Variants in SLC35F4 observed in about 807,000 individuals in gnomAD.
The protein encoded by SLC35F4 is solute carrier family 35 member F4, also known as chromosome 14 open reading frame 36.
SLC35F4 carries 24 observed loss-of-function variants against 44.2 expected under a neutral mutation model. The ratio of observed to expected loss-of-function variants is 0.54; its 90% CI spans 0.39 to 0.76. SLC35F4 has a LOEUF of 0.76. SLC35F4 is among the 30% of genes least tolerant of loss of function. SLC35F4 has a pLI of 0.00. For missense variants in SLC35F4, 562 were observed against 586.1 expected (o/e 0.96, Z 0.42); for synonymous variants, 238 against 223.6 (o/e 1.06, Z -0.57).
intron 1 of SLC35F4, among the ~76,000 whole-genome samples, chr14:57,758,550 A>G (rs76161222): frequency 0.02 from 3,117 of 152,108 alleles, 88 homozygotes; most frequent in African/African-American, 0.07. Context: ...AACATTGTCA[A>G]TATTTCTTCT....
rs539556168 is a variant in SLC35F4, at chr14:57,890,717, A to T, written n.282+91196T>A. On this transcript the variant is annotated intron_variant and non_coding_transcript_variant, in intron 1 of 1. Coordinates refer to the SLC35F4 transcript ENST00000556568. Reference sequence around the variant, plus strand: ...GCAAGCTGTGAGGAAAATTGAGAAGATTTAGAATAAAAATGACAAATATTA... The same window carrying T: ...GCAAGCTGTGAGGAAAATTGAGAAGTTTTAGAATAAAAATGACAAATATTA... 2.0e-5 allele frequency among the ~76,000 whole-genome samples: 3 copies of T among 152,322 alleles called. No homozygotes were observed. The South Asian group carries it at 6.2e-4, about 32-fold the overall frequency.
chr14:57,967,077 TA>T (rs1189719908), intron 1 of SLC35F4, among the ~76,000 whole-genome samples: 7 of 152,058 alleles, frequency 4.6e-5, no homozygotes, highest in African/African-American at 1.7e-4. Context: ...TTACTCAGAA[TA>T]AAAAAGAACA....
intron 1 of SLC35F4, among the ~76,000 whole-genome samples, chr14:57,765,565 C>T (rs1281040714): frequency 1.3e-5 from 2 of 152,188 alleles, no homozygotes; most frequent in Non-Finnish European, 2.9e-5. Flanking sequence ...TAAATGCCTA[C>T]AAAATGTAAC....
chr14:57,839,586 T>G (rs1305119674), intron 1 of SLC35F4, among the ~76,000 whole-genome samples: 2 of 151,858 alleles, frequency 1.3e-5, no homozygotes, highest in Non-Finnish European at 1.5e-5. Flanking sequence ...AAACACACAC[T>G]GGGGCCTTTT....
At chr14:57,860,279 C>T (rs1034386324) in intron 1 of SLC35F4, among the ~76,000 whole-genome samples, 1 of 152,060 alleles carries the variant, frequency 6.6e-6, no homozygotes, top group Non-Finnish European at 1.5e-5. Context: ...CATCATAGAA[C>T]CTGATCACTA....
chr14:57,943,551 G>A (rs770544975), intron 1 of SLC35F4, among the ~76,000 whole-genome samples: 8 of 152,162 alleles, frequency 5.3e-5, no homozygotes, highest in South Asian at 2.1e-4. Flanking sequence ...AAAGTACAAC[G>A]CACACGCCAG....
intron 1 of SLC35F4, among the ~76,000 whole-genome samples, chr14:57,668,409 C>T (rs2074394486): frequency 6.6e-6 from 1 of 151,518 alleles, no homozygotes; most frequent in African/African-American, 2.4e-5. Context: ...CTTGCCCATG[C>T]CTATGTCCTG....
intron 1 of SLC35F4, among the ~76,000 whole-genome samples, chr14:57,664,569 C>T (rs1006584767): frequency 1.3e-5 from 2 of 152,124 alleles, no homozygotes; most frequent in Non-Finnish European, 2.9e-5. Context: ...CCACAATGCC[C>T]GGCTAATTTT....
At chr14:57,951,757 A>G (rs574315293) in intron 1 of SLC35F4, among the ~76,000 whole-genome samples, 1 of 152,366 alleles carries the variant, frequency 6.6e-6, no homozygotes, top group South Asian at 2.1e-4. Flanking sequence ...TCGGCAGGGC[A>G]TCTCTAAAAG....
At chr14:57,840,967 A>G (rs900648642) in intron 1 of SLC35F4, among the ~76,000 whole-genome samples, 3 of 152,146 alleles carry the variant, frequency 2.0e-5, no homozygotes, top group African/African-American at 7.2e-5. Context: ...TATTTTATTT[A>G]TTCCTTTTTC....
chr14:57,937,600 GAAAAGAAAAGAAAAGAAAAGAAAAGAAAA>G (rs1889830668), intron 1 of SLC35F4, among the ~76,000 whole-genome samples: 12 of 70,036 alleles, frequency 1.7e-4, no homozygotes, highest in Admixed American at 4.7e-4. Context: ...GAAAAGAAAA[GAAAAGAAAAGAAAAGAAAAGAAAAGAAAA>G]GAAAAGAAAA....
chr14:57,568,089 G>A (rs1277155205), intron 6 of SLC35F4, among the ~76,000 whole-genome samples: 1 of 152,242 alleles, frequency 6.6e-6, no homozygotes, highest in Admixed American at 6.5e-5. Flanking sequence ...GTAACAGGCT[G>A]GAGGGAGGCT....
intron 1 of SLC35F4, among the ~76,000 whole-genome samples, chr14:57,728,124 A>T (rs10133590): frequency 0.4 from 60,200 of 151,992 alleles, 11,980 homozygotes; most frequent in Middle Eastern, 0.43. Context: ...GACCCCTTTA[A>T]CATTATATCA....
At chr14:57,659,323 AG>A (rs1402787679) in intron 1 of SLC35F4, among the ~76,000 whole-genome samples, 1 of 152,196 alleles carries the variant, frequency 6.6e-6, no homozygotes, top group Non-Finnish European at 1.5e-5. Context: ...GTCTGCAGCA[AG>A]GGAAAAAAGA....
At chr14:57,815,048 T>A (rs1882408469) in intron 1 of SLC35F4, among the ~76,000 whole-genome samples, 1 of 152,168 alleles carries the variant, frequency 6.6e-6, no homozygotes, top group Non-Finnish European at 1.5e-5. Context: ...TCATGTATTG[T>A]CTATAACTGC....
chr14:57,646,308 A>T (rs534685850), intron 1 of SLC35F4, among the ~76,000 whole-genome samples: 12 of 152,126 alleles, frequency 7.9e-5, no homozygotes, highest in Admixed American at 4.6e-4. Context: ...AGAGCCTGTT[A>T]TTGTTCTATT....
chr14:57,642,051 A>T (rs1330478970), intron 1 of SLC35F4, among the ~76,000 whole-genome samples: 2 of 152,030 alleles, frequency 1.3e-5, no homozygotes, highest in East Asian at 3.9e-4. Context: ...AAAGTCTGCA[A>T]ATCTGGATTG....
intron 1 of SLC35F4, among the ~76,000 whole-genome samples, chr14:57,741,906 G>A (rs571125029): frequency 6.6e-6 from 1 of 152,276 alleles, no homozygotes; most frequent in South Asian, 2.1e-4. Context: ...AGAAGAGAGT[G>A]GGGGCCAATA....
At chr14:57,659,365 G>T (rs2074066165) in intron 1 of SLC35F4, among the ~76,000 whole-genome samples, 1 of 152,136 alleles carries the variant, frequency 6.6e-6, no homozygotes, top group African/African-American at 2.4e-5. Context: ...TCAGGGAAGT[G>T]GCCCTGAGGT....
Sources: allele counts gnomAD v4.1 joint callset (sites outside exome capture counted in the v4.1 genomes callset), GRCh38; gene constraint gnomAD v4.1.1; transcripts MANE v1.5; gene names NCBI Gene and HGNC (gene_info 2026-07-23, HGNC 2026-07-21).